KIAA0825: variants seen among roughly 807,000 people sequenced by gnomAD.
The protein encoded by KIAA0825 is KIAA0825, also known as uncharacterized protein KIAA0825.
Under a neutral mutation model 147.6 loss-of-function variants are expected in KIAA0825, and 119 were observed. The ratio of observed to expected loss-of-function variants is 0.81; its 90% CI spans 0.69 to 0.94. The LOEUF (loss-of-function observed/expected upper bound fraction) is 0.94. Ranked by LOEUF, KIAA0825 falls within the 40% of genes least tolerant of loss-of-function variation. The pLI is 0.00. For synonymous variants in KIAA0825, 470 were observed against 518.1 expected, an observed-to-expected ratio of 0.91 and a Z score of 1.26; for missense variants, 1,381 against 1,472.7, an observed-to-expected ratio of 0.94 and a Z score of 1.02.
At chr5:94,421,071 T>C (rs974386016) in intron 14 of KIAA0825, among the ~76,000 whole-genome samples, 1 of 152,208 alleles carries the variant, frequency 6.6e-6, no homozygotes, top group Non-Finnish European at 1.5e-5. Flanking sequence ...ATATCTTTTC[T>C]GGTAGCTCTT....
intron 2 of KIAA0825, among the ~76,000 whole-genome samples, chr5:94,577,453 C>G (rs902528960): frequency 2.4e-4 from 37 of 152,162 alleles, no homozygotes; most frequent in African/African-American, 7.9e-4. Context: ...AAGTGTAGTC[C>G]AAAACTAATT....
intron 12 of KIAA0825, 143 bp from the exon 13 acceptor site, chr5:94,453,212 G>A (rs144137139): frequency 6.2e-4 from 354 of 571,372 alleles, no homozygotes; most frequent in African/African-American, 5.5e-3. Flanking sequence ...TTGCTCTGTC[G>A]CCCAGTCTGG....
At chr5:94,553,638 C>G (rs141538534) in intron 2 of KIAA0825, among the ~76,000 whole-genome samples, 2,885 of 151,062 alleles carry the variant, frequency 0.019, 73 homozygotes, top group African/African-American at 0.057. Flanking sequence ...TGGTGGCAGA[C>G]GCCTGTAATC....
At chr5:94,482,937 T>C (rs915782338) in intron 6 of KIAA0825, among the ~76,000 whole-genome samples, 3 of 152,034 alleles carry the variant, frequency 2.0e-5, no homozygotes, top group Non-Finnish European at 4.4e-5. Flanking sequence ...TTTATCTGCC[T>C]TACTGCTTAT....
In KIAA0825 at chr5:94,386,363, CTCT is replaced by C. The variant is rs1749142637; in HGVS notation, c.3495_3497del (p.Glu1167del). 3.2e-6 allele frequency: 5 copies of C among 1,551,446 alleles called. No individual in the cohort carries two copies. The highest frequency in any genetic ancestry group is 3.5e-6 in the Non-Finnish European group (4 of 1,146,768). On this transcript the variant is annotated inframe_deletion, in exon 19 of 21. Transcript: ENST00000682413. ...AAGGTCGGATGGGTAATGGCTTTTC[CTCT>C]GAACTATTCATAGAAAACAGCTGTT...
At chr5:94,593,346 G>C (rs1202441947) in intron 1 of KIAA0825, 1 of 980,206 alleles carries the variant, frequency 1.0e-6, no homozygotes, top group African/African-American at 1.6e-5. Context: ...TAAGTTCCTT[G>C]TCTGTCTTGA....
At chr5:94,535,281 G>A (rs568597392) in intron 3 of KIAA0825, among the ~76,000 whole-genome samples, 13 of 151,952 alleles carry the variant, frequency 8.6e-5, no homozygotes, top group East Asian at 7.8e-4. Flanking sequence ...AGGCTGAGGC[G>A]GGTGGATCAC....
At chr5:94,162,067 ATG>A (rs1171573887) in intron 20 of KIAA0825, among the ~76,000 whole-genome samples, 1 of 152,134 alleles carries the variant, frequency 6.6e-6, no homozygotes, top group Non-Finnish European at 1.5e-5. Flanking sequence ...CAGCCTCTAA[ATG>A]ACACCAGTAT....
At chr5:94,429,460 A>G (rs1755361456) in intron 14 of KIAA0825, among the ~76,000 whole-genome samples, 1 of 151,676 alleles carries the variant, frequency 6.6e-6, no homozygotes, top group African/African-American at 2.4e-5. Flanking sequence ...GCTTCTATAG[A>G]CATATGCACT....
At chr5:94,562,448 TAG>T (rs769803569) in intron 2 of KIAA0825, among the ~76,000 whole-genome samples, 12 of 152,246 alleles carry the variant, frequency 7.9e-5, no homozygotes, top group Non-Finnish European at 1.6e-4. Context: ...CTGCAAATAA[TAG>T]AGAGTGTCAG....
chr5:94,216,009 C>T (rs916024380), intron 20 of KIAA0825, among the ~76,000 whole-genome samples: 1 of 152,148 alleles, frequency 6.6e-6, no homozygotes, highest in Non-Finnish European at 1.5e-5. Flanking sequence ...CACTGCCCCA[C>T]TTCCTCTTCC....
At chr5:94,549,207 C>T (rs537532286) in intron 2 of KIAA0825, among the ~76,000 whole-genome samples, 1 of 152,126 alleles carries the variant, frequency 6.6e-6, no homozygotes, top group South Asian at 2.1e-4. Flanking sequence ...CAAAACAAGG[C>T]TTAAAAGATT....
At chr5:94,325,108 G>T (rs974847375) in intron 20 of KIAA0825, among the ~76,000 whole-genome samples, 3 of 151,964 alleles carry the variant, frequency 2.0e-5, no homozygotes, top group African/African-American at 4.8e-5. Context: ...AACATTCAGT[G>T]AATTCAAAGC....
At chr5:94,340,025 C>T (rs1002542378) in intron 20 of KIAA0825, among the ~76,000 whole-genome samples, 4 of 152,034 alleles carry the variant, frequency 2.6e-5, no homozygotes, top group African/African-American at 7.2e-5. Context: ...CCCATGTGCA[C>T]TGAAAAATAC....
At chr5:94,315,658 T>A (rs1779590135) in intron 20 of KIAA0825, among the ~76,000 whole-genome samples, 1 of 151,770 alleles carries the variant, frequency 6.6e-6, no homozygotes. Flanking sequence ...TAGTTATTTT[T>A]AAAACTTAAT....
chr5:94,455,039 G>A (rs184880270), intron 12 of KIAA0825, among the ~76,000 whole-genome samples: 119 of 152,146 alleles, frequency 7.8e-4, no homozygotes, highest in African/African-American at 1.6e-3. Flanking sequence ...AGGGGGCTGC[G>A]GACATCCGAA....
intron 20 of KIAA0825, among the ~76,000 whole-genome samples, chr5:94,224,107 T>C (rs1773939690): frequency 7.6e-6 from 1 of 132,374 alleles, no homozygotes; most frequent in African/African-American, 3.1e-5. Context: ...TTTTTTTTTT[T>C]TTTTGAGAAA....
chr5:94,322,412 G>A (rs544259241), intron 20 of KIAA0825, among the ~76,000 whole-genome samples: 3 of 151,802 alleles, frequency 2.0e-5, no homozygotes, highest in Admixed American at 6.6e-5. Context: ...TTACTCATAC[G>A]TAATCTAACT....
chr5:94,227,174 C>G (rs372709451), intron 20 of KIAA0825, among the ~76,000 whole-genome samples: 2 of 152,068 alleles, frequency 1.3e-5, no homozygotes, highest in South Asian at 2.1e-4. Context: ...TAGACTGGAT[C>G]AAGAAAATGT....
Sources: gnomAD v4.1 joint callset for allele counts (sites outside exome capture counted in the v4.1 genomes callset) on GRCh38, gnomAD v4.1.1 for gene constraint, MANE v1.5 for transcripts, NCBI Gene and HGNC (gene_info 2026-07-23, HGNC 2026-07-21) for gene names.